Variants in GRIK4 observed in about 807,000 individuals in gnomAD.
GRIK4 encodes the protein glutamate ionotropic receptor kainate type subunit 4, also known as glutamate receptor ionotropic, kainate 4.
In GRIK4, 40 loss-of-function variants were observed where a neutral mutation model predicts 104.9. The observed-to-expected ratio is 0.38, with a 90% confidence interval of 0.30 to 0.50. GRIK4 has a LOEUF of 0.50. GRIK4 is among the 20% of genes least tolerant of loss of function. GRIK4 has a pLI of 0.93. For missense variants in GRIK4, 1,047 were observed against 1,308.1 expected, an observed-to-expected ratio of 0.80 and a Z score of 3.08; for synonymous variants, 485 against 524.9, an observed-to-expected ratio of 0.92 and a Z score of 1.04.
chr11:120,905,302 T>G lies in GRIK4; in HGVS notation c.1285T>G (p.Leu429Val). 6.2e-7 allele frequency: 1 copy of G among 1,612,960 alleles called. No individual in the cohort carries two copies. The highest frequency in any genetic ancestry group is 8.5e-7 in the Non-Finnish European group (1 of 1,179,000). Residue 429 changes from leucine (L) to valine (V), a missense_variant, in exon 13 of 21, where the codon TTA becomes GTA. This residue lies in a region of GRIK4 where 440 missense variants were observed against 652.3 expected (regional missense o/e 0.67). Transcript: ENST00000527524. This position sits in a 1 kb window ranked among gnomAD's most constrained non-coding sequence, Gnocchi z 5.1. ...VVTTILENPY[L>V]MLKGNHQEME... ...AGTTTTGCTGCAGGAGAACCCATAT[T>G]TAATGCTGAAGGGGAACCACCAGGA...
intron 4 of GRIK4, among the ~76,000 whole-genome samples, chr11:120,803,710 T>G (rs1219181615): frequency 1.3e-5 from 2 of 152,224 alleles, no homozygotes; most frequent in Non-Finnish European, 2.9e-5. Flanking sequence ...AGTGCTGGGA[T>G]TACAGGCATG....
At chr11:120,827,435 TGGCA>T (rs143321553) in intron 6 of GRIK4, among the ~76,000 whole-genome samples, 5 of 151,858 alleles carry the variant, frequency 3.3e-5, no homozygotes, top group Non-Finnish European at 7.4e-5. Flanking sequence ...GCCTTAGACT[TGGCA>T]GGCAGGCAGG....
chr11:120,828,384 G>A (rs554923736), intron 6 of GRIK4, among the ~76,000 whole-genome samples: 5 of 152,174 alleles, frequency 3.3e-5, no homozygotes, highest in Admixed American at 6.5e-5. Context: ...GGTGGGAGAC[G>A]TGAGAAGAGG....
intron 1 of GRIK4, among the ~76,000 whole-genome samples, chr11:120,593,599 T>TCTAA (rs1313754411): frequency 1.3e-5 from 2 of 152,110 alleles, no homozygotes; most frequent in East Asian, 3.8e-4. Context: ...CCCCCACTTC[T>TCTAA]CTAACTGTAT....
intron 3 of GRIK4, among the ~76,000 whole-genome samples, chr11:120,741,484 T>G (rs1372192555): frequency 6.6e-6 from 1 of 151,936 alleles, no homozygotes; most frequent in East Asian, 1.9e-4. Flanking sequence ...TTCAACATTT[T>G]AGCCAGGATG....
At chr11:120,898,694 T>C in intron 12 of GRIK4, 55 bp downstream of exon 12, 1 of 945,960 alleles carries the variant, frequency 1.1e-6, no homozygotes, top group South Asian at 1.3e-5. Flanking sequence ...CCTCCCCGGC[T>C]CTGAGCACTC....
chr11:120,685,427 T>C (rs1427111792), intron 3 of GRIK4, among the ~76,000 whole-genome samples: 1 of 152,198 alleles, frequency 6.6e-6, no homozygotes, highest in Non-Finnish European at 1.5e-5. Context: ...ACCTCCTGGG[T>C]CCGCCCGTAC....
chr11:120,873,795 A>G (rs1015923244), intron 9 of GRIK4: 13 of 338,826 alleles, frequency 3.8e-5, no homozygotes, highest in Non-Finnish European at 7.0e-5. Context: ...GTACACTTGA[A>G]GTCATGTGGG....
chr11:120,982,818 T>C (rs1297343773), intron 20 of GRIK4, among the ~76,000 whole-genome samples: 2 of 152,180 alleles, frequency 1.3e-5, no homozygotes, highest in East Asian at 3.8e-4. Flanking sequence ...CTTTCCTAAT[T>C]GGCACTGGGA....
At chr11:120,577,328 G>C (rs992098455) in intron 1 of GRIK4, among the ~76,000 whole-genome samples, 1 of 152,040 alleles carries the variant, frequency 6.6e-6, no homozygotes, top group East Asian at 1.9e-4. Context: ...TGGCCTGAGA[G>C]GGGTGTGTGG....
chr11:120,653,082 C>T (rs1044199269), intron 1 of GRIK4, among the ~76,000 whole-genome samples: 1 of 151,634 alleles, frequency 6.6e-6, no homozygotes. Flanking sequence ...GTGAAATAGC[C>T]ATTCATTCAT....
intron 13 of GRIK4, among the ~76,000 whole-genome samples, chr11:120,917,673 C>T (rs1943141048): frequency 6.6e-6 from 1 of 152,214 alleles, no homozygotes; most frequent in African/African-American, 2.4e-5. Context: ...CCTCAGATCC[C>T]TGTGCTGGTT....
chr11:120,636,246 A>G (rs1171657710), intron 1 of GRIK4, among the ~76,000 whole-genome samples: 1 of 152,066 alleles, frequency 6.6e-6, no homozygotes, highest in Non-Finnish European at 1.5e-5. Context: ...TTCTTCTTTT[A>G]TGTCTGAGGT....
At chr11:120,919,674 A>T (rs1013760893) in intron 13 of GRIK4, among the ~76,000 whole-genome samples, 6 of 152,216 alleles carry the variant, frequency 3.9e-5, no homozygotes, top group Non-Finnish European at 5.9e-5. Context: ...GGAAGCAAAG[A>T]GACCAGTGCA....
chr11:120,596,484 G>A (rs112911795), intron 1 of GRIK4, among the ~76,000 whole-genome samples: 165 of 152,334 alleles, frequency 1.1e-3, no homozygotes, highest in African/African-American at 3.8e-3. Flanking sequence ...GAAGGACAGA[G>A]TGGGGTTCAA....
intron 13 of GRIK4, among the ~76,000 whole-genome samples, chr11:120,932,407 G>A (rs1337331717): frequency 6.6e-6 from 1 of 151,034 alleles, no homozygotes; most frequent in Non-Finnish European, 1.5e-5. Context: ...CCCCCAGTGA[G>A]CTCAGCAGCC....
intron 16 of GRIK4, among the ~76,000 whole-genome samples, chr11:120,959,978 C>T (rs1393877787): frequency 6.6e-6 from 1 of 152,056 alleles, no homozygotes; most frequent in Non-Finnish European, 1.5e-5. Context: ...GCATTGAGCC[C>T]TGATTAAGCC....
At chr11:120,963,279 G>A (rs1158170267) in intron 18 of GRIK4, among the ~76,000 whole-genome samples, 7 of 152,202 alleles carry the variant, frequency 4.6e-5, no homozygotes, top group Non-Finnish European at 8.8e-5. Context: ...CTGTCAGCCC[G>A]TCTTGTTGTA....
Position 120,697,564 on chromosome 11 carries a change from G to A in GRIK4, c.82+37164G>A, listed in dbSNP as rs550921071. On this transcript the variant is annotated intron_variant, in intron 3 of 20. Coordinates refer to ENST00000527524, the MANE Select transcript of GRIK4 (RefSeq NM_014619.5). ...CGAAAGACAGAAGTTGTGGTGAGCC[G>A]AGATTGCACCATTGCACTCCAGTCT... 5.3e-5 allele frequency among the ~76,000 whole-genome samples: 8 copies of A among 152,278 alleles called. No individual in the cohort carries two copies. The East Asian group carries it at 1.2e-3, about 22-fold the overall frequency.
Sources: gnomAD v4.1 joint callset for allele counts (sites outside exome capture counted in the v4.1 genomes callset) on GRCh38, gnomAD v4.1.1 for gene constraint, gnomAD v4.1.1 regional missense constraint, Gnocchi (gnomAD v3.1) non-coding constraint, MANE v1.5 for transcripts, NCBI Gene and HGNC (gene_info 2026-07-23, HGNC 2026-07-21) for gene names.